Variants in SLC22A23 observed in about 807,000 individuals in gnomAD.
SLC22A23 encodes solute carrier family 22 member 23.
Under a neutral mutation model 61.0 loss-of-function variants are expected in SLC22A23, and 26 were observed. That is an observed-to-expected ratio of 0.43 (90% CI 0.31 to 0.59). SLC22A23 has a LOEUF of 0.59. Among genes scored for constraint, SLC22A23 ranks in the 20% least tolerant of loss-of-function variants. The probability of loss-of-function intolerance (pLI) is 0.11; values close to 1 mark genes in which losing one functional copy is unlikely to be tolerated. For missense variants in SLC22A23, 796 were observed against 934.7 expected, an observed-to-expected ratio of 0.85 and a Z score of 1.94; for synonymous variants, 430 against 413.9, an observed-to-expected ratio of 1.04 and a Z score of -0.47.
chr6:3,292,143 C>G (rs1032774344), intron 5 of SLC22A23, among the ~76,000 whole-genome samples: 1 of 152,152 alleles, frequency 6.6e-6, no homozygotes, highest in Non-Finnish European at 1.5e-5. Context: ...ATCTTACTAC[C>G]AGTTACTCAC....
chr6:3,392,278 G>C (rs982635784), intron 3 of SLC22A23, among the ~76,000 whole-genome samples: 5 of 152,242 alleles, frequency 3.3e-5, no homozygotes, highest in African/African-American at 7.2e-5. Flanking sequence ...GATTAGGACA[G>C]CAGAAGGGGC....
chr6:3,274,970 T>C (rs531036161), intron 9 of SLC22A23, among the ~76,000 whole-genome samples: 42 of 152,108 alleles, frequency 2.8e-4, no homozygotes, highest in African/African-American at 7.0e-4. Flanking sequence ...TTTTTTTTTT[T>C]CAGAAAACAG....
At chr6:3,289,645 C>A in intron 6 of SLC22A23, 119 bp downstream of exon 6, 4 of 796,456 alleles carry the variant, frequency 5.0e-6, no homozygotes, top group Non-Finnish European at 8.0e-6. Context: ...ACTCTTCACA[C>A]ACACACCCTT....
rs1398525054 is a variant in SLC22A23 at position 3,342,845 on chromosome 6, T to TTAATC, written c.914-18844_914-18843insGATTA. On this transcript the variant is annotated intron_variant, in intron 3 of 9. Coordinates refer to ENST00000406686, the MANE Select transcript of SLC22A23 (RefSeq NM_015482.2). The surrounding 1 kb of genome is among the most constrained non-coding windows in gnomAD (Gnocchi z 4.0). ...AAGACAAAGTTTAATCACATATGTA[T>TTAATC]ACCGGCAGGAGAGTGCAAAAAATGG... 6.6e-6 allele frequency among the ~76,000 whole-genome samples: 1 copy of TTAATC among 152,100 alleles called. No individual in the cohort carries two copies. Among genetic ancestry groups the TTAATC allele is most frequent in the African/African-American group, 2.4e-5 (1 of 41,396 alleles).
intron 4 of SLC22A23, among the ~76,000 whole-genome samples, chr6:3,321,760 G>GTA (rs1762966973): frequency 6.6e-6 from 1 of 152,110 alleles, no homozygotes; most frequent in African/African-American, 2.4e-5. Context: ...CTTCTCAGGA[G>GTA]TATGGGTCGC....
chr6:3,300,645 A>G (rs1761531988), intron 4 of SLC22A23, among the ~76,000 whole-genome samples: 2 of 152,260 alleles, frequency 1.3e-5, no homozygotes, highest in South Asian at 4.1e-4. Flanking sequence ...ATTTTGTTGT[A>G]GCAGCAGGAA....
chr6:3,420,233 A>G (rs77679090), intron 1 of SLC22A23, among the ~76,000 whole-genome samples: 1 of 69,372 alleles, frequency 1.4e-5, no homozygotes, highest in Admixed American at 1.2e-4. Context: ...GCAAAATGAG[A>G]AAAAAAAAAA....
chr6:3,320,783 C>T (rs1326369117), intron 4 of SLC22A23, among the ~76,000 whole-genome samples: 1 of 152,120 alleles, frequency 6.6e-6, no homozygotes, highest in Non-Finnish European at 1.5e-5. Flanking sequence ...TAACCTGCCC[C>T]ATTACACCCA....
rs1012403861 is a variant in SLC22A23 at position 3,320,315 on chromosome 6, G to A, written c.1082+3519C>T. The stretch of plus-strand genomic sequence containing the variant: ...CCCTGTCTGTTCAGTCTACCATCTC[G>A]ACCAGAAGATCCCTTCTGGCCAGTC... On this transcript the variant is annotated intron_variant, in intron 4 of 9. Transcript: ENST00000406686. 2.6e-5 allele frequency among the ~76,000 whole-genome samples: 4 copies of A among 152,070 alleles called. 1 individual carries two copies. Among genetic ancestry groups the A allele is most frequent in the African/African-American group, 7.2e-5 (3 of 41,456 alleles).
chr6:3,407,184 C>A (rs1443884592), intron 3 of SLC22A23, among the ~76,000 whole-genome samples: 1 of 152,234 alleles, frequency 6.6e-6, no homozygotes, highest in Admixed American at 6.5e-5. Flanking sequence ...AAGTTTTAAA[C>A]TTCCCTTTAG....
chr6:3,410,125 C>G lies in SLC22A23; in HGVS notation c.913+63G>C. The G allele has an allele frequency of 6.5e-7, 1 of 1,536,938 alleles. No individual in the cohort carries two copies. Among genetic ancestry groups the G allele is most frequent in the Non-Finnish European group, 8.8e-7 (1 of 1,140,206 alleles). ...AGCATGCACAGTATCTTTCCCAGAA[C>G]CTCCCAGGCAACAATACTTTTGCTA... On this transcript the variant is annotated intron_variant, in intron 3 of 9. Coordinates refer to ENST00000406686, the MANE Select transcript of SLC22A23 (RefSeq NM_015482.2). The surrounding 1 kb of genome is among the most constrained non-coding windows in gnomAD (Gnocchi z 5.0).
chr6:3,297,257 A>T lies in SLC22A23; in HGVS notation c.1210+834T>A, dbSNP rs1343215038. Among the ~76,000 whole-genome samples the T allele has an allele frequency of 1.3e-5, 2 of 152,218 alleles. No homozygotes were observed. The highest frequency in any genetic ancestry group is 2.9e-5 in the Non-Finnish European group (2 of 68,040). On this transcript the variant is annotated intron_variant, in intron 5 of 9. Transcript: ENST00000406686. This position sits in a 1 kb window ranked among gnomAD's most constrained non-coding sequence, Gnocchi z 4.3. ...CACAAGCATTTCTGGTCAGGGGGGA[A>T]AATGAGCATATTCTCTCTTGGACGA...
At chr6:3,349,033 A>G (rs1764609309) in intron 3 of SLC22A23, among the ~76,000 whole-genome samples, 1 of 152,368 alleles carries the variant, frequency 6.6e-6, no homozygotes, top group East Asian at 1.9e-4. Context: ...CCAGAAAGCC[A>G]CAAAGCCTCC....
chr6:3,351,006 T>G (rs182037819), intron 3 of SLC22A23, among the ~76,000 whole-genome samples: 90 of 151,930 alleles, frequency 5.9e-4, no homozygotes, highest in African/African-American at 1.9e-3. Context: ...CCCTTTTGAA[T>G]TTACTAACTT....
Position 3,342,025 on chromosome 6 carries a change from T to C in SLC22A23, c.914-18023A>G, listed in dbSNP as rs980552932. On this transcript the variant is annotated intron_variant, in intron 3 of 9. Coordinates refer to ENST00000406686, the MANE Select transcript of SLC22A23 (RefSeq NM_015482.2). The surrounding 1 kb of genome is among the most constrained non-coding windows in gnomAD (Gnocchi z 4.0). The stretch of plus-strand genomic sequence containing the variant: ...GTTCAGTAGCATTAAGAAGAAAATC[T>C]TTCTTCTTAATGAAAGATTAATGAA... 1.3e-5 allele frequency among the ~76,000 whole-genome samples: 2 copies of C among 151,862 alleles called. No individual in the cohort carries two copies. The highest frequency in any genetic ancestry group is 2.9e-5 in the Non-Finnish European group (2 of 68,016).
intron 5 of SLC22A23, among the ~76,000 whole-genome samples, chr6:3,292,246 C>T (rs1378934947): frequency 6.6e-6 from 1 of 152,194 alleles, no homozygotes; most frequent in African/African-American, 2.4e-5. Context: ...GAGGCCGTGC[C>T]GAGTTCTCCC....
intron 1 of SLC22A23, among the ~76,000 whole-genome samples, chr6:3,444,484 G>A (rs747405573): frequency 1.8e-4 from 27 of 152,128 alleles, no homozygotes; most frequent in Admixed American, 1.6e-3. Context: ...CACTCTCTCT[G>A]AGCCATATGT....
intron 3 of SLC22A23, among the ~76,000 whole-genome samples, chr6:3,359,510 T>C (rs987676849): frequency 6.6e-6 from 1 of 152,196 alleles, no homozygotes; most frequent in African/African-American, 2.4e-5. Context: ...TCCATCAGGA[T>C]GGTAGCTGCT....
intron 1 of SLC22A23, among the ~76,000 whole-genome samples, chr6:3,428,124 G>A (rs1419982768): frequency 6.6e-6 from 1 of 152,254 alleles, no homozygotes; most frequent in Admixed American, 6.5e-5. Flanking sequence ...GACAGCGAAA[G>A]GAGTAGAGAA....
Sources: gnomAD v4.1 joint callset for allele counts (sites outside exome capture counted in the v4.1 genomes callset) on GRCh38, gnomAD v4.1.1 for gene constraint, Gnocchi (gnomAD v3.1) non-coding constraint, MANE v1.5 for transcripts, NCBI Gene and HGNC (gene_info 2026-07-23, HGNC 2026-07-21) for gene names.